Variants in ADARB2 observed in about 807,000 individuals in gnomAD.
ADARB2 encodes adenosine deaminase RNA specific B2 (inactive).
A neutral mutation model predicts 62.2 loss-of-function variants in ADARB2; 25 were observed. The observed-to-expected ratio is 0.40, with a 90% confidence interval of 0.29 to 0.56. ADARB2 has a LOEUF of 0.56. Among genes scored for constraint, ADARB2 ranks in the 20% least tolerant of loss-of-function variants. ADARB2 has a pLI of 0.43. For missense variants in ADARB2, 1,071 were observed against 1,077.4 expected (o/e 0.99, Z 0.08); for synonymous variants, 572 against 500.8 (o/e 1.14, Z -1.90).
In ADARB2 at chr10:1,568,800, C is replaced by CTATCTA. The variant is rs138239870; in HGVS notation, c.100+168250_100+168251insTAGATA. Among the ~76,000 whole-genome samples the CTATCTA allele has an allele frequency of 1.2e-4, 18 of 148,574 alleles. No individual in the cohort carries two copies. The South Asian group carries it at 2.2e-3, about 18-fold the overall frequency. ...TGTGCATATATCTATATGTCTCTAT[C>CTATCTA]TCTATCTATCTATCTATCTATCTAT... On this transcript the variant is annotated intron_variant, in intron 1 of 9. Coordinates refer to ENST00000381312, the MANE Select transcript of ADARB2 (RefSeq NM_018702.4).
chr10:1,196,131 A>G (rs1212166223), intron 8 of ADARB2, among the ~76,000 whole-genome samples: 2 of 150,868 alleles, frequency 1.3e-5, no homozygotes, highest in Non-Finnish European at 2.9e-5. Context: ...GACTCTGCGC[A>G]GTGTCACCGC....
intron 1 of ADARB2, among the ~76,000 whole-genome samples, chr10:1,614,905 T>C (rs901997288): frequency 3.4e-5 from 3 of 88,080 alleles, no homozygotes; most frequent in African/African-American, 1.6e-4. Context: ...AGCGAGACTC[T>C]GACTCAAAAA....
chr10:1,723,680 T>C (rs1391147759), intron 1 of ADARB2, among the ~76,000 whole-genome samples: 1 of 152,126 alleles, frequency 6.6e-6, no homozygotes, highest in East Asian at 1.9e-4. Context: ...GTTCTCTCCA[T>C]CTTTAATGAG....
chr10:1,666,078 G>T (rs1186936315), intron 1 of ADARB2, among the ~76,000 whole-genome samples: 1 of 147,750 alleles, frequency 6.8e-6, no homozygotes, highest in African/African-American at 2.5e-5. Flanking sequence ...ATTGGATAGG[G>T]TGGGTGGGCA....
At chr10:1,358,453 C>T (rs1050578231) in intron 3 of ADARB2, among the ~76,000 whole-genome samples, 2 of 152,160 alleles carry the variant, frequency 1.3e-5, no homozygotes, top group African/African-American at 4.8e-5. Flanking sequence ...TCTTGAATAC[C>T]TGCATTCCCA....
intron 1 of ADARB2, chr10:1,678,219 G>A: frequency 4.1e-6 from 4 of 983,944 alleles, no homozygotes; most frequent in Non-Finnish European, 4.8e-6. Flanking sequence ...TGGCCTCAGG[G>A]TGAGCGACCT....
intron 3 of ADARB2, among the ~76,000 whole-genome samples, chr10:1,352,559 G>C (rs1832153907): frequency 6.6e-6 from 1 of 152,176 alleles, no homozygotes; most frequent in Non-Finnish European, 1.5e-5. Flanking sequence ...TGACCTTACT[G>C]TTTTAGCCCA....
intron 1 of ADARB2, among the ~76,000 whole-genome samples, chr10:1,537,732 T>C (rs1365968135): frequency 6.6e-6 from 1 of 152,154 alleles, no homozygotes; most frequent in Non-Finnish European, 1.5e-5. Context: ...AAACACAGCA[T>C]GTTCTCACTC....
At position 1,183,221 on chromosome 10, in the gene ADARB2, T is replaced by C. The variant is rs769727859; in HGVS notation, c.2192A>G (p.Glu731Gly). The change falls in exon 10 of 10, where the codon GAG becomes GGG. Residue 731 changes from glutamate (E) to glycine (G), a missense_variant. Physicochemically the swap from Glu to Gly is moderately conservative, Grantham distance 98. Coordinates refer to ENST00000381312, the MANE Select transcript of ADARB2 (RefSeq NM_018702.4). The part of the protein sequence containing the change: ...GLGTWVRKPP[E>G]QQQFLLTL Reference sequence around the variant, plus strand: ...GAGAGTCAGTAGAAACTGCTGCTGCTCCGGTGGTTTCCTCACCCAGGTGCC... The same window carrying C: ...GAGAGTCAGTAGAAACTGCTGCTGCCCCGGTGGTTTCCTCACCCAGGTGCC... 1.2e-6 allele frequency: 2 copies of C among 1,613,504 alleles called. No individual in the cohort carries two copies. Among genetic ancestry groups the C allele is most frequent in the South Asian group, 2.2e-5 (2 of 91,054 alleles).
intron 1 of ADARB2, among the ~76,000 whole-genome samples, chr10:1,465,218 TG>T (rs1240455695): frequency 6.6e-6 from 1 of 152,068 alleles, no homozygotes; most frequent in African/African-American, 2.4e-5. Flanking sequence ...CTGTAGAGGC[TG>T]GGGTGGGAAC....
chr10:1,636,093 A>C (rs1479860736), intron 1 of ADARB2, among the ~76,000 whole-genome samples: 1 of 152,208 alleles, frequency 6.6e-6, no homozygotes, highest in Admixed American at 6.5e-5. Context: ...AGCTGACTTT[A>C]TACCGGGAAC....
At chr10:1,269,459 G>A (rs189744718) in intron 4 of ADARB2, among the ~76,000 whole-genome samples, 34 of 152,172 alleles carry the variant, frequency 2.2e-4, no homozygotes, top group African/African-American at 8.2e-4. Flanking sequence ...CACTTACATG[G>A]TACTTGCCAT....
chr10:1,529,935 G>GACCCATCCATTGCTCCCGCCACCACAGGC (rs541382866), intron 1 of ADARB2, among the ~76,000 whole-genome samples: 6 of 149,758 alleles, frequency 4.0e-5, no homozygotes, highest in Non-Finnish European at 6.0e-5. Context: ...CCACTGCAGG[G>GACCCATCCATTGCTCCCGCCACCACAGGC]ACCCATTCAC....
intron 1 of ADARB2, among the ~76,000 whole-genome samples, chr10:1,633,063 C>G (rs1037424111): frequency 6.6e-6 from 1 of 152,150 alleles, no homozygotes; most frequent in African/African-American, 2.4e-5. Flanking sequence ...CTCAGACTCC[C>G]GTGCTCCTGC....
chr10:1,411,571 C>A (rs1283151767), intron 1 of ADARB2, among the ~76,000 whole-genome samples: 2 of 152,234 alleles, frequency 1.3e-5, no homozygotes, highest in African/African-American at 4.8e-5. Flanking sequence ...GCCAGGTTAG[C>A]TTCACTAAAG....
At chr10:1,644,655 G>T (rs1449234542) in intron 1 of ADARB2, among the ~76,000 whole-genome samples, 1 of 152,248 alleles carries the variant, frequency 6.6e-6, no homozygotes, top group Non-Finnish European at 1.5e-5. Context: ...GATGCTGGCG[G>T]AGCACAAGCA....
At chr10:1,529,935 G>GACCCATACATTGCTCCCGCCACCGCAGGC (rs541382866) in intron 1 of ADARB2, among the ~76,000 whole-genome samples, 1 of 149,758 alleles carries the variant, frequency 6.7e-6, no homozygotes, top group South Asian at 2.1e-4. Context: ...CCACTGCAGG[G>GACCCATACATTGCTCCCGCCACCGCAGGC]ACCCATTCAC....
chr10:1,566,025 C>G (rs2813372), intron 1 of ADARB2, among the ~76,000 whole-genome samples: 58,807 of 139,850 alleles, frequency 0.42, 12,218 homozygotes, highest in East Asian at 0.64. Context: ...TAATACTTTT[C>G]TCATCGTTAC....
At chr10:1,480,059 A>G (rs191593399) in intron 1 of ADARB2, among the ~76,000 whole-genome samples, 6 of 134,362 alleles carry the variant, frequency 4.5e-5, no homozygotes, top group African/African-American at 1.3e-4. Context: ...AACCATATAC[A>G]AAACAAAAAA....
Sources: allele counts gnomAD v4.1 joint callset (sites outside exome capture counted in the v4.1 genomes callset), GRCh38; gene constraint gnomAD v4.1.1; transcripts MANE v1.5; gene names NCBI Gene and HGNC (gene_info 2026-07-23, HGNC 2026-07-21).